SASH1: variants seen among roughly 807,000 people sequenced by gnomAD.
The protein encoded by SASH1 is SAM and SH3 domain-containing protein 1.
Under a neutral mutation model 125.2 loss-of-function variants are expected in SASH1, and 44 were observed. The ratio of observed to expected loss-of-function variants is 0.35; its 90% CI spans 0.28 to 0.45. SASH1 has a LOEUF of 0.45. Ranked by LOEUF, SASH1 falls within the 20% of genes least tolerant of loss-of-function variation. The pLI is 1.00. For missense variants in SASH1, 1,426 were observed against 1,614.5 expected (o/e 0.88, Z 2.00); for synonymous variants, 639 against 649.1 (o/e 0.98, Z 0.24).
chr6:148,448,239 A>G (rs1776903218), intron 4 of SASH1, among the ~76,000 whole-genome samples: 1 of 152,122 alleles, frequency 6.6e-6, no homozygotes, highest in South Asian at 2.1e-4. Context: ...AAGATATTCC[A>G]TAATGTTGAA....
At chr6:148,361,656 C>T (rs995248781) in intron 1 of SASH1, among the ~76,000 whole-genome samples, 1 of 151,924 alleles carries the variant, frequency 6.6e-6, no homozygotes, top group Admixed American at 6.6e-5. Context: ...AGGTTTCCTA[C>T]CTTGCACAGC....
chr6:148,492,376 C>G (rs1779142221), intron 8 of SASH1, among the ~76,000 whole-genome samples: 1 of 152,180 alleles, frequency 6.6e-6, no homozygotes, highest in Admixed American at 6.5e-5. Context: ...ACATTTCATT[C>G]TCTTCAGCAT....
chr6:148,348,923 G>A (rs537830553), intron 1 of SASH1, among the ~76,000 whole-genome samples: 199 of 152,384 alleles, frequency 1.3e-3, no homozygotes, highest in African/African-American at 4.5e-3. Flanking sequence ...CCCCGAAGGC[G>A]GTAGGATCCC....
chr6:148,322,929 C>CTCTTTTTTCTTTCTCTCT (rs1554234555), intron 1 of SASH1, among the ~76,000 whole-genome samples: 23 of 121,766 alleles, frequency 1.9e-4, no homozygotes, highest in African/African-American at 6.8e-4. Context: ...TTCTTTCTCT[C>CTCTTTTTTCTTTCTCTCT]TTTCTTTTCC....
At chr6:148,457,937 G>C in intron 4 of SASH1, among the ~76,000 whole-genome samples, 1 of 152,200 alleles carries the variant, frequency 6.6e-6, no homozygotes, top group East Asian at 1.9e-4. Context: ...AACAGCATGA[G>C]GGTAACCGCC....
chr6:148,538,820 A>G (rs370429519), intron 16 of SASH1, among the ~76,000 whole-genome samples: 1 of 152,032 alleles, frequency 6.6e-6, no homozygotes, highest in Non-Finnish European at 1.5e-5. Context: ...TTGGTGGGGG[A>G]TGAAAAGAAA....
Position 148,359,819 on chromosome 6 carries a change from T to C in SASH1, c.156+16596T>C, listed in dbSNP as rs144963850. 7.7e-3 allele frequency among the ~76,000 whole-genome samples: 1,165 copies of C among 152,188 alleles called. 21 individuals carry two copies. Among genetic ancestry groups the C allele is most frequent in the Non-Finnish European group, 8.6e-3 (582 of 67,994 alleles). ...TGTTGCCAGGGCTGGAGTACAGTGG[T>C]GCAATCTCAGCTCACTGCAACCTTT... On this transcript the variant is annotated intron_variant, in intron 1 of 19. Coordinates refer to ENST00000367467, the MANE Select transcript of SASH1 (RefSeq NM_015278.5).
the SASH1 span, among the ~76,000 whole-genome samples, chr6:148,215,248 A>G: frequency 6.6e-6 from 1 of 152,198 alleles, no homozygotes; most frequent in Non-Finnish European, 1.5e-5. Flanking sequence ...TCTTATTCCA[A>G]CTGAAATTCA....
intron 2 of SASH1, among the ~76,000 whole-genome samples, chr6:148,429,565 A>C (rs1219363769): frequency 6.6e-6 from 1 of 152,058 alleles, no homozygotes; most frequent in South Asian, 2.1e-4. Flanking sequence ...AGCCTGGCCA[A>C]CATAGCAAGA....
intron 9 of SASH1, among the ~76,000 whole-genome samples, chr6:148,518,979 G>C (rs925213632): frequency 6.6e-6 from 1 of 152,186 alleles, no homozygotes; most frequent in Non-Finnish European, 1.5e-5. Flanking sequence ...TGGCCTGTCA[G>C]CTGGAGACGA....
At chr6:148,250,044 G>C in the SASH1 span, among the ~76,000 whole-genome samples, 1 of 152,210 alleles carries the variant, frequency 6.6e-6, no homozygotes, top group East Asian at 1.9e-4. Flanking sequence ...TTAAATACTT[G>C]CCCAAAGCCA....
At chr6:148,325,223 G>T (rs1780763964) in intron 1 of SASH1, among the ~76,000 whole-genome samples, 1 of 151,642 alleles carries the variant, frequency 6.6e-6, no homozygotes, top group Non-Finnish European at 1.5e-5. Flanking sequence ...ATGATACCAG[G>T]AATGAGAAGT....
At chr6:148,475,784 A>G (rs1778313852) in intron 7 of SASH1, among the ~76,000 whole-genome samples, 2 of 152,342 alleles carry the variant, frequency 1.3e-5, no homozygotes, top group South Asian at 4.1e-4. Flanking sequence ...TGGATGCCTG[A>G]AACTGCAGAT....
At chr6:148,392,113 C>T (rs560976130) in intron 2 of SASH1, among the ~76,000 whole-genome samples, 3 of 152,116 alleles carry the variant, frequency 2.0e-5, no homozygotes, top group Middle Eastern at 3.4e-3. Context: ...GGAGAAACCC[C>T]GTCTCTACTA....
At chr6:148,333,867 G>A (rs1351042526) in intron 1 of SASH1, among the ~76,000 whole-genome samples, 1 of 151,904 alleles carries the variant, frequency 6.6e-6, no homozygotes, top group Non-Finnish European at 1.5e-5. Context: ...GTGTCGCCCA[G>A]GCTGGACTGC....
intron 2 of SASH1, among the ~76,000 whole-genome samples, chr6:148,428,907 T>C (rs543352015): frequency 6.6e-6 from 1 of 152,320 alleles, no homozygotes; most frequent in East Asian, 1.9e-4. Context: ...AGAAAATTTC[T>C]TATACCAGGC....
At chr6:148,496,860 G>A (rs989557332) in intron 8 of SASH1, among the ~76,000 whole-genome samples, 25 of 150,694 alleles carry the variant, frequency 1.7e-4, no homozygotes, top group Non-Finnish European at 2.8e-4. Context: ...GTGACAGAGC[G>A]AGACCCTGTC....
intron 1 of SASH1, among the ~76,000 whole-genome samples, chr6:148,313,974 A>T (rs1410204800): frequency 6.6e-6 from 1 of 152,142 alleles, no homozygotes; most frequent in Non-Finnish European, 1.5e-5. Flanking sequence ...CTTTAGCATA[A>T]GCTCAGTGTT....
In SASH1 at chr6:148,358,989, C is replaced by A. The variant is rs534487365; in HGVS notation, c.156+15766C>A. On this transcript the variant is annotated intron_variant, in intron 1 of 19. Transcript: ENST00000367467. Reference sequence around the variant, plus strand: ...TGACCTTGTGATCCGCCTGCCTTGGCCTCCCAAAGTGCAGGGATTACAGGC... The same window carrying A: ...TGACCTTGTGATCCGCCTGCCTTGGACTCCCAAAGTGCAGGGATTACAGGC... Among the ~76,000 whole-genome samples the A allele has an allele frequency of 2.0e-5, 3 of 152,038 alleles. No homozygotes were observed. In the East Asian group the frequency reaches 5.8e-4, roughly 29 times the overall value.
Sources: gnomAD v4.1 joint callset for allele counts (sites outside exome capture counted in the v4.1 genomes callset) on GRCh38, gnomAD v4.1.1 for gene constraint, MANE v1.5 for transcripts, NCBI Gene and HGNC (gene_info 2026-07-23, HGNC 2026-07-21) for gene names.